FAM53A: variants seen among roughly 807,000 people sequenced by gnomAD.
FAM53A encodes family with sequence similarity 53 member A, also known as protein FAM53A.
Under a neutral mutation model 26.6 loss-of-function variants are expected in FAM53A, and 28 were observed. That is an observed-to-expected ratio of 1.05 (90% CI 0.78 to 1.45). The LOEUF is 1.45. FAM53A is among the 40% of genes most tolerant of loss of function. The pLI, the probability that FAM53A is intolerant of heterozygous loss-of-function variation, is 0.00. For missense variants in FAM53A, 650 were observed against 575.8 expected (o/e 1.13, Z -1.32); for synonymous variants, 290 against 253.1 (o/e 1.15, Z -1.38).
At chr4:1,578,865 G>A in the FAM53A span, among the ~76,000 whole-genome samples, 2 of 40,592 alleles carry the variant, frequency 4.9e-5, no homozygotes, top group African/African-American at 2.1e-4. Context: ...AAGAGGGGGA[G>A]GGGAGAGAAG....
At chr4:1,611,978 C>T in the FAM53A span, among the ~76,000 whole-genome samples, 1 of 152,198 alleles carries the variant, frequency 6.6e-6, no homozygotes, top group East Asian at 1.9e-4. Context: ...AATCATTTTG[C>T]ACTAAACTGC....
chr4:1,649,003 CTT>C (rs1443815306), intron 4 of FAM53A, among the ~76,000 whole-genome samples: 1 of 152,152 alleles, frequency 6.6e-6, no homozygotes, highest in East Asian at 1.9e-4. Flanking sequence ...ATCCCAGACA[CTT>C]GGGAAGCTGA....
At chr4:1,629,522 T>C (rs1192558025) in intron 1 of FAM53A, among the ~76,000 whole-genome samples, 1 of 152,172 alleles carries the variant, frequency 6.6e-6, no homozygotes, top group Non-Finnish European at 1.5e-5. Flanking sequence ...GGCCTTGGCC[T>C]GGGGTTGGGC....
chr4:1,664,133 G>C (rs1214904172), intron 2 of FAM53A, among the ~76,000 whole-genome samples: 5 of 152,248 alleles, frequency 3.3e-5, no homozygotes, highest in African/African-American at 1.2e-4. Flanking sequence ...AATTGGAGAA[G>C]TTTGAATGCT....
chr4:1,648,620 C>A (rs1319676528), intron 4 of FAM53A, among the ~76,000 whole-genome samples: 1 of 152,202 alleles, frequency 6.6e-6, no homozygotes, highest in Non-Finnish European at 1.5e-5. Context: ...TACGGTCACA[C>A]TGAAGACACT....
intron 4 of FAM53A, among the ~76,000 whole-genome samples, chr4:1,643,420 T>C (rs930425687): frequency 6.6e-5 from 10 of 151,884 alleles, no homozygotes; most frequent in East Asian, 5.9e-4. Context: ...GAGCCGAGAT[T>C]GGGCCACTGC....
At chr4:1,612,100 T>A in the FAM53A span, among the ~76,000 whole-genome samples, 1 of 152,184 alleles carries the variant, frequency 6.6e-6, no homozygotes, top group Non-Finnish European at 1.5e-5. Flanking sequence ...TGGGTTTAAA[T>A]TTGAACATTG....
At chr4:1,579,810 G>A in the FAM53A span, among the ~76,000 whole-genome samples, 7 of 152,284 alleles carry the variant, frequency 4.6e-5, no homozygotes, top group East Asian at 5.8e-4. Context: ...CCAGCGCTGC[G>A]GGGCCCGCAG....
chr4:1,646,246 G>A (rs1338951038), intron 4 of FAM53A, among the ~76,000 whole-genome samples: 2 of 152,036 alleles, frequency 1.3e-5, no homozygotes, highest in Admixed American at 6.6e-5. Context: ...GAATACAGGC[G>A]TCCGCCACCA....
chr4:1,668,972 A>C lies in FAM53A; in HGVS notation c.-164-67T>G, dbSNP rs115032765. On this transcript the variant is annotated intron_variant, in intron 1 of 4. Transcript: ENST00000308132. ...AAACCATTTTGTTGATGTTTCTGCTACATGTTGGGTCCCCTCTGTATAAAG... is the reference window on the plus strand; with the variant it reads ...AAACCATTTTGTTGATGTTTCTGCTCCATGTTGGGTCCCCTCTGTATAAAG... 864 of 521,280 alleles carry C rather than the reference A, an allele frequency of 1.7e-3. 6 individuals are homozygous for C. The highest frequency in any genetic ancestry group is 0.015 in the African/African-American group (776 of 51,358). 32.3% of individuals were successfully genotyped at this position (521,280 alleles called of 1,614,324 possible). A position where few individuals can be genotyped will look rare whatever the true frequency, so the allele number is the denominator to read the frequency against.
the FAM53A span, among the ~76,000 whole-genome samples, chr4:1,599,332 C>T: frequency 9.2e-5 from 14 of 152,270 alleles, no homozygotes; most frequent in Admixed American, 8.5e-4. The surrounding 1 kb of genome is among the most constrained non-coding windows in gnomAD (Gnocchi z 6.1). Context: ...GGTACTTGGC[C>T]GGAGCAGAAG....
chr4:1,610,620 G>A, the FAM53A span, among the ~76,000 whole-genome samples: 12 of 149,478 alleles, frequency 8.0e-5, 1 homozygote, highest in Admixed American at 6.0e-4. Flanking sequence ...CCCAGGCAGG[G>A]CATCTGGGCT....
At chr4:1,622,742 C>T (rs560208705) in intron 1 of FAM53A, among the ~76,000 whole-genome samples, 15 of 152,270 alleles carry the variant, frequency 9.9e-5, no homozygotes, top group East Asian at 3.9e-4. Flanking sequence ...AGATCCTGCC[C>T]GCAGCCATCT....
the FAM53A span, among the ~76,000 whole-genome samples, chr4:1,596,966 G>A: frequency 1.3e-5 from 2 of 152,142 alleles, no homozygotes; most frequent in Admixed American, 6.5e-5. Context: ...GCCCTGGGCA[G>A]CTCCGCACCC....
chr4:1,631,840 C>A (rs904976199), intron 1 of FAM53A, among the ~76,000 whole-genome samples: 4 of 152,080 alleles, frequency 2.6e-5, no homozygotes, highest in African/African-American at 7.2e-5. Context: ...GAAACAGCAA[C>A]AAAAAAATTG....
At chr4:1,598,770 T>C in the FAM53A span, among the ~76,000 whole-genome samples, 3 of 152,190 alleles carry the variant, frequency 2.0e-5, no homozygotes, top group Non-Finnish European at 2.9e-5. Context: ...TTTGATAAAA[T>C]CATGCGGTTT....
At chr4:1,658,984 C>A (rs760535070) in intron 2 of FAM53A, among the ~76,000 whole-genome samples, 1 of 152,256 alleles carries the variant, frequency 6.6e-6, no homozygotes, top group Non-Finnish European at 1.5e-5. Flanking sequence ...AACGCCTAAG[C>A]CCATGGCATC....
intron 1 of FAM53A, among the ~76,000 whole-genome samples, chr4:1,631,429 G>A (rs1715607613): frequency 1.3e-5 from 2 of 152,230 alleles, no homozygotes; most frequent in African/African-American, 4.8e-5. Context: ...TGAGAGTCCA[G>A]GGACAGCACT....
intron 1 of FAM53A, among the ~76,000 whole-genome samples, chr4:1,618,968 C>T (rs1714913792): frequency 6.6e-6 from 1 of 152,238 alleles, no homozygotes; most frequent in Admixed American, 6.5e-5. Flanking sequence ...CTGCACCCAA[C>T]CCAGCAACGC....
Sources: allele counts gnomAD v4.1 joint callset (sites outside exome capture counted in the v4.1 genomes callset), GRCh38; gene constraint gnomAD v4.1.1; non-coding constraint Gnocchi (gnomAD v3.1); transcripts MANE v1.5; gene names NCBI Gene and HGNC (gene_info 2026-07-23, HGNC 2026-07-21).